The following FAM53B variants were observed in gnomAD, a reference collection of about 807,000 sequenced individuals.
FAM53B encodes the protein family with sequence similarity 53 member B.
A neutral mutation model predicts 32.7 loss-of-function variants in FAM53B; 12 were observed. That is an observed-to-expected ratio of 0.37 (90% CI 0.24 to 0.59). The LOEUF is 0.59. Ranked by LOEUF, FAM53B falls within the 20% of genes least tolerant of loss-of-function variation. The pLI is 0.72. For synonymous variants in FAM53B, 234 were observed against 228.7 expected (o/e 1.02, Z -0.21); for missense variants, 477 against 577.7 (o/e 0.83, Z 1.79).
At chr10:124,667,252 G>C (rs575179348) in intron 4 of FAM53B, 55 of 585,098 alleles carry the variant, frequency 9.4e-5, no homozygotes, top group African/African-American at 9.1e-4. Flanking sequence ...TGGAAATACT[G>C]GGTTAAATAT....
rs1413106731 is a variant in FAM53B, at chr10:124,706,768, C to T, written c.-55G>A. On this transcript the variant is annotated 5_prime_UTR_variant, in exon 2 of 5. The change creates a new upstream start codon in the 5' untranslated region. Transcript: ENST00000337318. ...CCAGGGTGGGTATCAGCCATCTTCACTTGGGCAGACTTGGGGTGAGTACCT... is the reference window on the plus strand; with the variant it reads ...CCAGGGTGGGTATCAGCCATCTTCATTTGGGCAGACTTGGGGTGAGTACCT... 1 of 1,612,424 alleles carries T rather than the reference C, an allele frequency of 6.2e-7. No individual in the cohort carries two copies. Among genetic ancestry groups the T allele is most frequent in the Admixed American group, 1.7e-5 (1 of 59,982 alleles).
At chr10:124,645,482 G>A (rs1589736026) in intron 4 of FAM53B, among the ~76,000 whole-genome samples, 1 of 152,240 alleles carries the variant, frequency 6.6e-6, no homozygotes, top group East Asian at 1.9e-4. Flanking sequence ...TCCACCCACA[G>A]CCTTCCCAGC....
At chr10:124,697,679 G>GT (rs1949882928) in intron 2 of FAM53B, among the ~76,000 whole-genome samples, 1 of 152,142 alleles carries the variant, frequency 6.6e-6, no homozygotes, top group Admixed American at 6.5e-5. Context: ...TGGGATGAGG[G>GT]TGGAGGTCGG....
Position 124,623,438 on chromosome 10 carries a change from G to C in FAM53B, c.1073C>G (p.Pro358Arg). 2.5e-6 allele frequency: 4 copies of C among 1,600,436 alleles called. No homozygotes were observed. Among genetic ancestry groups the C allele is most frequent in the Non-Finnish European group, 3.4e-6 (4 of 1,174,522 alleles). Residue 358 changes from proline (P) to arginine (R), a missense_variant, in exon 5 of 5, where the codon CCT becomes CGT. Physicochemically the swap from Pro to Arg is moderately radical, Grantham distance 103. Transcript: ENST00000337318. ...GTGGTCGTCGAAGGAAGGGGGAAGA[G>C]GCTCAGGGACCGGGGTCCCAGCGGG... Reference protein sequence around the residue: ...RTPAGTPVPEPLPPSFDDHLA... With the variant: ...RTPAGTPVPERLPPSFDDHLA...
chr10:124,644,984 A>T (rs1348669817), intron 4 of FAM53B, among the ~76,000 whole-genome samples: 1 of 152,158 alleles, frequency 6.6e-6, no homozygotes, highest in Non-Finnish European at 1.5e-5. Context: ...CAGGGGGAGG[A>T]GCCACATGAC....
rs951292006 is a variant in FAM53B at position 124,681,333 on chromosome 10, G to A, written c.906+274C>T. 2.0e-5 allele frequency among the ~76,000 whole-genome samples: 3 copies of A among 152,132 alleles called. No homozygotes were observed. The East Asian group carries it at 5.8e-4, about 29-fold the overall frequency. The stretch of plus-strand genomic sequence containing the variant: ...TACCAGTGTTTGGTCCAGTGAGTCT[G>A]CCCACCAACACCCCGCCTCTCACCA... On this transcript the variant is annotated intron_variant, in intron 4 of 4. Transcript: ENST00000337318.
Position 124,623,430 on chromosome 10 carries a change from G to C in FAM53B, c.1081C>G (p.Pro361Ala). Residue 361 changes from proline to alanine, a missense_variant, in exon 5 of 5, where the codon CCT becomes GCT. Around this residue, in one of 2 missense-constraint regions of FAM53B, gnomAD observed 165 missense variants for 157.5 expected, o/e 1.05. Coordinates refer to ENST00000337318, the MANE Select transcript of FAM53B (RefSeq NM_014661.4). ...CAGGCGAGGTGGTCGTCGAAGGAAG[G>C]GGGAAGAGGCTCAGGGACCGGGGTC... ...AGTPVPEPLP[P>A]SFDDHLACQE... 1.2e-6 allele frequency: 2 copies of C among 1,604,248 alleles called. No homozygotes were observed. Among genetic ancestry groups the C allele is most frequent in the Non-Finnish European group, 1.7e-6 (2 of 1,176,366 alleles).
intron 4 of FAM53B, among the ~76,000 whole-genome samples, chr10:124,648,661 C>T (rs2134049220): frequency 6.6e-6 from 1 of 152,384 alleles, no homozygotes; most frequent in East Asian, 1.9e-4. Flanking sequence ...ACCAACAAGC[C>T]CCTAAAGGTG....
rs934891753 is a variant in FAM53B at position 124,733,047 on chromosome 10, T to C, written c.-175+10966A>G. Among the ~76,000 whole-genome samples, 8 of 152,162 alleles carry C rather than the reference T, an allele frequency of 5.3e-5. No homozygotes were observed. The South Asian group carries it at 8.3e-4, about 16-fold the overall frequency. ...CTTTCTTTTCTAACAGGTGAAGGCA[T>C]GTGCTAACCTCCCCGGGAATGAGAT... is the stretch of plus-strand genomic sequence containing the variant. On this transcript the variant is annotated intron_variant, in intron 1 of 4. Transcript: ENST00000337318. The surrounding 1 kb of genome is among the most constrained non-coding windows in gnomAD (Gnocchi z 4.3).
At chr10:124,739,347 TAG>T (rs1457425316) in intron 1 of FAM53B, among the ~76,000 whole-genome samples, 20 of 152,250 alleles carry the variant, frequency 1.3e-4, no homozygotes, top group Non-Finnish European at 7.3e-5. Context: ...CTTTGAGAAT[TAG>T]AGAGTGTATA....
chr10:124,654,315 C>T (rs1949573304), intron 4 of FAM53B, among the ~76,000 whole-genome samples: 1 of 152,242 alleles, frequency 6.6e-6, no homozygotes, highest in Admixed American at 6.5e-5. Context: ...CCTCCCAACC[C>T]CTGGGTCTGA....
intron 3 of FAM53B, among the ~76,000 whole-genome samples, chr10:124,695,688 C>A (rs1486309303): frequency 6.6e-6 from 1 of 152,006 alleles, no homozygotes; most frequent in East Asian, 1.9e-4. Flanking sequence ...ATGGAATGAA[C>A]AATTTTAATG....
At chr10:124,628,966 CTG>C (rs1949373481) in intron 4 of FAM53B, among the ~76,000 whole-genome samples, 1 of 152,264 alleles carries the variant, frequency 6.6e-6, no homozygotes, top group Non-Finnish European at 1.5e-5. Flanking sequence ...GCATCCCTCT[CTG>C]TGTCACTGGC....
intron 1 of FAM53B, among the ~76,000 whole-genome samples, chr10:124,734,776 C>T (rs1018436323): frequency 6.6e-6 from 1 of 152,196 alleles, no homozygotes; most frequent in African/African-American, 2.4e-5. Flanking sequence ...TCAAGACTGT[C>T]CATCCTGTTC....
chr10:124,696,966 G>A (rs1469561839), intron 2 of FAM53B, among the ~76,000 whole-genome samples: 1 of 152,088 alleles, frequency 6.6e-6, no homozygotes, highest in African/African-American at 2.4e-5. Context: ...ATAGGCCAAC[G>A]AGGCCTAGAA....
chr10:124,632,383 C>G (rs1307555446), intron 4 of FAM53B, among the ~76,000 whole-genome samples: 1 of 152,270 alleles, frequency 6.6e-6, no homozygotes, highest in Non-Finnish European at 1.5e-5. Flanking sequence ...CTTTGCCTAA[C>G]AAAAGTCAAG....
At chr10:124,663,198 C>T (rs1387468602) in intron 4 of FAM53B, among the ~76,000 whole-genome samples, 2 of 152,230 alleles carry the variant, frequency 1.3e-5, no homozygotes, top group South Asian at 2.1e-4. Flanking sequence ...AGGACACACA[C>T]ATAAAGTGCA....
At chr10:124,691,338 C>A (rs185558549) in intron 3 of FAM53B, among the ~76,000 whole-genome samples, 1 of 152,192 alleles carries the variant, frequency 6.6e-6, no homozygotes, top group Non-Finnish European at 1.5e-5. Flanking sequence ...ACAAGGAGGG[C>A]TGCTATAATA....
At chr10:124,672,340 G>C (rs535392400) in intron 4 of FAM53B, among the ~76,000 whole-genome samples, 32 of 152,378 alleles carry the variant, frequency 2.1e-4, no homozygotes, top group Admixed American at 9.1e-4. Flanking sequence ...TGCTAACCTC[G>C]GGCTGGGAGG....
Sources: allele counts gnomAD v4.1 joint callset (sites outside exome capture counted in the v4.1 genomes callset), GRCh38; gene constraint gnomAD v4.1.1; regional missense constraint gnomAD v4.1.1; non-coding constraint Gnocchi (gnomAD v3.1); transcripts MANE v1.5; gene names NCBI Gene and HGNC (gene_info 2026-07-23, HGNC 2026-07-21).